Variants in CDH13 observed in about 807,000 individuals in gnomAD.
CDH13 encodes the protein cadherin-13.
In CDH13, 24 loss-of-function variants were observed where a neutral mutation model predicts 63.8. The ratio of observed to expected loss-of-function variants is 0.38; its 90% CI spans 0.27 to 0.53. The LOEUF is 0.53. Among genes scored for constraint, CDH13 ranks in the 20% least tolerant of loss-of-function variants. The pLI is 0.85. For missense variants in CDH13, 1,049 were observed against 903.1 expected (o/e 1.16, Z -2.07); for synonymous variants, 503 against 355.3 (o/e 1.42, Z -4.67).
chr16:83,743,197 G>A (rs1912223873), intron 10 of CDH13, among the ~76,000 whole-genome samples: 1 of 152,122 alleles, frequency 6.6e-6, no homozygotes, highest in African/African-American at 2.4e-5. Context: ...GACAGAGCAA[G>A]ACTCCGTCTC....
chr16:83,466,010 G>T (rs1000471104), intron 6 of CDH13, among the ~76,000 whole-genome samples: 2 of 152,064 alleles, frequency 1.3e-5, no homozygotes, highest in Non-Finnish European at 2.9e-5. Flanking sequence ...TTTCACAGCA[G>T]GTGTCATTCA....
chr16:83,140,319 C>T (rs559981612), intron 4 of CDH13, among the ~76,000 whole-genome samples: 1 of 152,340 alleles, frequency 6.6e-6, no homozygotes, highest in African/African-American at 2.4e-5. Flanking sequence ...CAGAAACCTT[C>T]TTCATGTCCT....
At chr16:83,625,314 C>T (rs1372620914) in intron 8 of CDH13, among the ~76,000 whole-genome samples, 1 of 152,118 alleles carries the variant, frequency 6.6e-6, no homozygotes, top group Non-Finnish European at 1.5e-5. Context: ...CTTAATTCTT[C>T]CACGCTGGTT....
chr16:83,122,059 A>G (rs1229190273), intron 3 of CDH13, among the ~76,000 whole-genome samples: 1 of 152,090 alleles, frequency 6.6e-6, no homozygotes, highest in African/African-American at 2.4e-5. Context: ...TTTTGATAGG[A>G]AGCTGTTGTT....
At chr16:83,188,535 A>T (rs1361266474) in intron 4 of CDH13, among the ~76,000 whole-genome samples, 2 of 152,108 alleles carry the variant, frequency 1.3e-5, no homozygotes, top group Admixed American at 1.3e-4. Flanking sequence ...TGAAGCTCAG[A>T]GACATTCAGG....
intron 3 of CDH13, among the ~76,000 whole-genome samples, chr16:83,079,168 A>G (rs1001363924): frequency 1.3e-5 from 2 of 152,206 alleles, no homozygotes; most frequent in Admixed American, 6.5e-5. Context: ...CCAAAAGTTT[A>G]TAGCAGTTTT....
intron 2 of CDH13, among the ~76,000 whole-genome samples, chr16:82,931,505 G>A (rs1012979577): frequency 1.5e-5 from 2 of 134,162 alleles, no homozygotes; most frequent in Admixed American, 7.4e-5. Flanking sequence ...GGACCTTGAG[G>A]TCCCCCCCTT....
chr16:82,917,694 T>G (rs1388162070), intron 2 of CDH13, among the ~76,000 whole-genome samples: 1 of 152,058 alleles, frequency 6.6e-6, no homozygotes, highest in Non-Finnish European at 1.5e-5. Context: ...GGCGGATCAT[T>G]TGAGGTCAGG....
chr16:82,700,542 TGTG>T (rs1334578333), intron 1 of CDH13, among the ~76,000 whole-genome samples: 1 of 152,020 alleles, frequency 6.6e-6, no homozygotes, highest in Non-Finnish European at 1.5e-5. Context: ...TGTGTGTGTG[TGTG>T]TCTGTGTGTC....
intron 5 of CDH13, among the ~76,000 whole-genome samples, chr16:83,231,865 G>A (rs1357301281): frequency 6.6e-6 from 1 of 152,178 alleles, no homozygotes; most frequent in Admixed American, 6.5e-5. Context: ...TCATGGGGGT[G>A]GACCCCTCCT....
chr16:82,763,692 G>C (rs539213964), intron 1 of CDH13, among the ~76,000 whole-genome samples: 5 of 152,004 alleles, frequency 3.3e-5, no homozygotes, highest in Non-Finnish European at 5.9e-5. Flanking sequence ...TATTACTCAC[G>C]TATTTTTTGA....
intron 2 of CDH13, among the ~76,000 whole-genome samples, chr16:82,898,531 A>G (rs957627251): frequency 6.6e-6 from 1 of 152,234 alleles, no homozygotes; most frequent in African/African-American, 2.4e-5. Flanking sequence ...TCTCAAAAAA[A>G]TGAACATATG....
At chr16:82,939,161 C>T (rs746106030) in intron 2 of CDH13, among the ~76,000 whole-genome samples, 1 of 152,156 alleles carries the variant, frequency 6.6e-6, no homozygotes, top group African/African-American at 2.4e-5. Flanking sequence ...CAGTGGCTCA[C>T]GCCTGCAATC....
chr16:83,399,121 A>G (rs767247847), intron 6 of CDH13, among the ~76,000 whole-genome samples: 2 of 152,230 alleles, frequency 1.3e-5, no homozygotes, highest in Non-Finnish European at 2.9e-5. Flanking sequence ...GCATGTTTCA[A>G]TAGATGGTTT....
At chr16:83,756,103 A>T (rs1050394429) in intron 11 of CDH13, among the ~76,000 whole-genome samples, 1 of 152,182 alleles carries the variant, frequency 6.6e-6, no homozygotes, top group African/African-American at 2.4e-5. Flanking sequence ...TAGGGTAATC[A>T]CTAAAAGAAT....
At chr16:82,947,004 C>CTGTGTG (rs3223223) in intron 2 of CDH13, among the ~76,000 whole-genome samples, 15,721 of 134,856 alleles carry the variant, frequency 0.12, 1,154 homozygotes, top group East Asian at 0.27. Flanking sequence ...GTGCGCACGC[C>CTGTGTG]TGTGTGTGTG....
intron 6 of CDH13, among the ~76,000 whole-genome samples, chr16:83,480,221 T>C (rs916655443): frequency 3.9e-5 from 6 of 151,982 alleles, no homozygotes; most frequent in Non-Finnish European, 5.9e-5. Flanking sequence ...GAGGCTGAGG[T>C]GGGAGGATCA....
chr16:82,706,414 C>G (rs949232459), intron 1 of CDH13, among the ~76,000 whole-genome samples: 1 of 152,148 alleles, frequency 6.6e-6, no homozygotes, highest in African/African-American at 2.4e-5. Flanking sequence ...ATGAGACAGA[C>G]TCAGCAGCCG....
chr16:83,063,767 G>A (rs940263926), intron 3 of CDH13, among the ~76,000 whole-genome samples: 1 of 152,180 alleles, frequency 6.6e-6, no homozygotes, highest in African/African-American at 2.4e-5. Context: ...CCAAAATCAA[G>A]GTGTCAGCAG....
Sources: allele counts gnomAD v4.1 joint callset (sites outside exome capture counted in the v4.1 genomes callset), GRCh38; gene constraint gnomAD v4.1.1; transcripts MANE v1.5; gene names NCBI Gene and HGNC (gene_info 2026-07-23, HGNC 2026-07-21).